The following ADAM28 variants were observed in gnomAD, a reference collection of about 807,000 sequenced individuals.
ADAM28 encodes disintegrin and metalloproteinase domain-containing protein 28.
ADAM28 carries 105 observed loss-of-function variants against 101.2 expected under a neutral mutation model. The ratio of observed to expected loss-of-function variants is 1.04; its 90% CI spans 0.89 to 1.22. ADAM28 has a LOEUF of 1.22. Among genes scored for constraint, ADAM28 ranks in the 50% most tolerant of loss-of-function variants. The pLI is 0.00. For missense variants in ADAM28, 1,028 were observed against 945.4 expected, an observed-to-expected ratio of 1.09 and a Z score of -1.15; for synonymous variants, 322 against 310.6, an observed-to-expected ratio of 1.04 and a Z score of -0.39.
At chr8:24,320,413 T>C (rs141208357) in intron 7 of ADAM28, 106 bp downstream of exon 7, 3 of 773,982 alleles carry the variant, frequency 3.9e-6, no homozygotes, top group Non-Finnish European at 6.4e-6. Flanking sequence ...GAATCATGAA[T>C]ATGAGCTATG....
chr8:24,296,532 T>A (rs545945349), intron 1 of ADAM28, among the ~76,000 whole-genome samples: 69 of 152,336 alleles, frequency 4.5e-4, no homozygotes, highest in Admixed American at 4.4e-3. Context: ...CATACTCATG[T>A]TCCCATTTCC....
intron 14 of ADAM28, among the ~76,000 whole-genome samples, chr8:24,336,580 C>CAAAAAAAAA (rs769016133): frequency 1.1e-3 from 67 of 61,374 alleles, no homozygotes; most frequent in African/African-American, 3.2e-3. Context: ...ACTCCGTCTC[C>CAAAAAAAAA]AAAAAAAAAA....
chr8:24,343,762 G>A (rs573370585), intron 18 of ADAM28, among the ~76,000 whole-genome samples, 178 bp downstream of exon 18: 120 of 151,926 alleles, frequency 7.9e-4, no homozygotes, highest in African/African-American at 2.6e-3. Context: ...TATATTTTCC[G>A]TGTCTTCATT....
intron 14 of ADAM28, among the ~76,000 whole-genome samples, chr8:24,337,560 A>C (rs1814250651): frequency 6.6e-6 from 1 of 152,178 alleles, no homozygotes; most frequent in African/African-American, 2.4e-5. Flanking sequence ...AAAAAGCTCA[A>C]AATTGTCTAT....
rs1157755290 is a variant in ADAM28 at position 24,306,357 on chromosome 8, T to TATATATATATATATATATATATATTTA, written c.151-3536_151-3535insTATATATATATATATATATATATTTAA. ...AGACTCCATCTCAAATACAAATAAA[T>TATATATATATATATATATATATATTTA]AAATAAATATATATATATATATATA... On this transcript the variant is annotated intron_variant, in intron 2 of 22. Coordinates refer to ENST00000265769, the MANE Select transcript of ADAM28 (RefSeq NM_014265.6). Among the ~76,000 whole-genome samples, 394 of 118,604 alleles carry TATATATATATATATATATATATATTTA rather than the reference T, an allele frequency of 3.3e-3. 15 individuals carry two copies. Among genetic ancestry groups the TATATATATATATATATATATATATTTA allele is most frequent in the African/African-American group, 0.012 (360 of 29,288 alleles). The allele number at this position is 118,604 out of a possible 152,430, so 77.8% of individuals were successfully genotyped here. A position where few individuals can be genotyped will look rare whatever the true frequency, so the allele number is the denominator to read the frequency against.
Position 24,351,247 on chromosome 8 carries a change from T to G in ADAM28, c.2115T>G (p.Thr705=), listed in dbSNP as rs1816089786. The G allele has an allele frequency of 6.2e-7, 1 of 1,604,260 alleles. No individual in the cohort carries two copies. Among genetic ancestry groups the G allele is most frequent in the Non-Finnish European group, 8.5e-7 (1 of 1,175,838 alleles). ...QKKDQRPLST[T]GTRPHKQKRK... ...TCTCTTACAGGCCACTATCTACCAC[T>G]GGCACCAGGCCACACAAACAGAAGA... The change falls in exon 20 of 23, where the codon ACT becomes ACG. Residue 705 remains threonine (T), a synonymous_variant. Coordinates refer to ENST00000265769, the MANE Select transcript of ADAM28 (RefSeq NM_014265.6).
chr8:24,351,444 C>T (rs1816126740), intron 20 of ADAM28, 134 bp downstream of exon 20: 1 of 970,414 alleles, frequency 1.0e-6, no homozygotes, highest in Non-Finnish European at 1.6e-6. Context: ...GTCTCCTTTG[C>T]CTTTTGTTAA....
intron 5 of ADAM28, among the ~76,000 whole-genome samples, chr8:24,311,784 G>C (rs1242612348): frequency 2.0e-5 from 3 of 152,040 alleles, no homozygotes; most frequent in African/African-American, 7.2e-5. Flanking sequence ...CTGTCACCAG[G>C]CTGGAGTATA....
At chr8:24,301,389 CAAAGT>C (rs1808745425) in intron 2 of ADAM28, among the ~76,000 whole-genome samples, 1 of 151,986 alleles carries the variant, frequency 6.6e-6, no homozygotes, top group South Asian at 2.1e-4. Context: ...ATCTGGGTGA[CAAAGT>C]AATCTGTACA....
chr8:24,303,514 A>G (rs1206954228), intron 2 of ADAM28, among the ~76,000 whole-genome samples: 2 of 152,144 alleles, frequency 1.3e-5, no homozygotes, highest in African/African-American at 4.8e-5. Context: ...TCTGTTTTGT[A>G]CCAGTACCAT....
intron 18 of ADAM28, 103 bp from the exon 19 acceptor site, chr8:24,349,761 A>G: frequency 1.3e-6 from 1 of 797,816 alleles, no homozygotes; most frequent in Non-Finnish European, 2.0e-6. Context: ...TTCATTGGAG[A>G]AAAGGGTAGC....
chr8:24,322,475 G>A (rs767820822), intron 8 of ADAM28: 1 of 152,038 alleles, frequency 6.6e-6, no homozygotes, highest in Non-Finnish European at 1.5e-5. Flanking sequence ...AATGTGTGCA[G>A]AAAACTGCGT....
At position 24,339,503 on chromosome 8, in the gene ADAM28, T is replaced by G. The variant is rs776028223; in HGVS notation, c.1605T>G (p.Asn535Lys). 3 of 1,613,538 alleles carry G rather than the reference T, an allele frequency of 1.9e-6. No individual in the cohort carries two copies. The South Asian group carries it at 3.3e-5, about 18-fold the overall frequency. Reference protein sequence around the residue: ...EVADKSCYNRNEGGSKYGYCR... With the variant: ...EVADKSCYNRKEGGSKYGYCR... ...CAGATAAGTCATGTTACAACAGGAA[T>G]GAAGGTGGGTCAAAGTACGGGTACT... Residue 535 changes from asparagine to lysine, a missense_variant, in exon 15 of 23, where the codon AAT becomes AAG. Transcript: ENST00000265769.
chr8:24,318,022 C>T (rs996165957), intron 6 of ADAM28, among the ~76,000 whole-genome samples: 1 of 151,924 alleles, frequency 6.6e-6, no homozygotes, highest in Non-Finnish European at 1.5e-5. Context: ...CCATGCTGGT[C>T]GTTGGTTGGA....
At chr8:24,347,904 C>T (rs1023757306) in intron 18 of ADAM28, among the ~76,000 whole-genome samples, 17 of 151,918 alleles carry the variant, frequency 1.1e-4, no homozygotes, top group East Asian at 3.9e-4. Context: ...TTCTGAATCA[C>T]GTTTTAAGTC....
intron 6 of ADAM28, among the ~76,000 whole-genome samples, chr8:24,316,574 TTCTC>T (rs1187181770): frequency 6.6e-6 from 1 of 152,070 alleles, no homozygotes; most frequent in African/African-American, 2.4e-5. Context: ...CCACTCTTCT[TTCTC>T]CTTATTTATT....
Position 24,332,718 on chromosome 8 carries a change from G to T in ADAM28, c.1340G>T (p.Cys447Phe). ...TGTAAAATCAAAGCAACTTTTCAAT[G>T]TGCATTAGGAGAATGTTGTGAAAAA... ...KTCKIKATFQCALGECCEKCQ... is the reference protein window; with the variant it reads ...KTCKIKATFQFALGECCEKCQ... The change falls in exon 13 of 23, where the codon TGT becomes TTT. Residue 447 changes from cysteine to phenylalanine, a missense_variant. Cys to Phe is a radical substitution (Grantham distance 205). Coordinates refer to ENST00000265769, the MANE Select transcript of ADAM28 (RefSeq NM_014265.6). 2 of 1,514,288 alleles carry T rather than the reference G, an allele frequency of 1.3e-6. No homozygotes were observed. The highest frequency in any genetic ancestry group is 1.8e-6 in the Non-Finnish European group (2 of 1,121,696). 93.8% of individuals were successfully genotyped at this position (1,514,288 alleles called of 1,614,324 possible).
intron 15 of ADAM28, chr8:24,340,815 T>C (rs1814674807): frequency 6.6e-6 from 1 of 152,222 alleles, no homozygotes; most frequent in African/African-American, 2.4e-5. Context: ...AAAAATCTGA[T>C]GCCATCACTT....
intron 9 of ADAM28, among the ~76,000 whole-genome samples, chr8:24,326,292 A>G (rs902438808): frequency 6.6e-6 from 1 of 152,024 alleles, no homozygotes; most frequent in South Asian, 2.1e-4. Flanking sequence ...TTCACAAGGG[A>G]TACATCTCAC....
Sources: allele counts gnomAD v4.1 joint callset (sites outside exome capture counted in the v4.1 genomes callset), GRCh38; gene constraint gnomAD v4.1.1; transcripts MANE v1.5; gene names NCBI Gene and HGNC (gene_info 2026-07-23, HGNC 2026-07-21).